Variants in GRID1 observed in about 807,000 individuals in gnomAD.
GRID1 encodes glutamate ionotropic receptor delta type subunit 1.
A neutral mutation model predicts 98.0 loss-of-function variants in GRID1; 28 were observed. The observed-to-expected ratio is 0.29, with a 90% CI of 0.21 to 0.39. The LOEUF (loss-of-function observed/expected upper bound fraction) is 0.39. GRID1 is among the 10% of genes least tolerant of loss of function. The pLI is 1.00. For missense variants in GRID1, 1,111 were observed against 1,340.5 expected, an observed-to-expected ratio of 0.83 and a Z score of 2.67; for synonymous variants, 553 against 538.5, an observed-to-expected ratio of 1.03 and a Z score of -0.37.
chr10:86,047,487 T>C (rs1843440074), intron 4 of GRID1, among the ~76,000 whole-genome samples: 1 of 152,236 alleles, frequency 6.6e-6, no homozygotes, highest in African/African-American at 2.4e-5. Flanking sequence ...TAGGGTGGTG[T>C]GTACAATTTC....
At chr10:85,931,775 T>C (rs1434609078) in intron 4 of GRID1, among the ~76,000 whole-genome samples, 1 of 152,226 alleles carries the variant, frequency 6.6e-6, no homozygotes, top group African/African-American at 2.4e-5. Flanking sequence ...TGATCCTTAA[T>C]TGTCCTTTCA....
At chr10:85,605,050 C>G (rs1842641387) in intron 15 of GRID1, among the ~76,000 whole-genome samples, 3 of 152,240 alleles carry the variant, frequency 2.0e-5, no homozygotes, top group African/African-American at 7.2e-5. Flanking sequence ...GGTGCTTCAT[C>G]TGCTGCAGCA....
At chr10:85,665,145 T>C (rs549205408) in intron 12 of GRID1, among the ~76,000 whole-genome samples, 1 of 152,298 alleles carries the variant, frequency 6.6e-6, no homozygotes, top group South Asian at 2.1e-4. Context: ...GTGACTGATA[T>C]TTAAGTAGAC....
chr10:86,334,565 T>G (rs1208874641), intron 2 of GRID1, among the ~76,000 whole-genome samples: 2 of 152,216 alleles, frequency 1.3e-5, no homozygotes, highest in African/African-American at 2.4e-5. Context: ...AAGAAAGGCA[T>G]TTAGGGCTAT....
intron 13 of GRID1, among the ~76,000 whole-genome samples, chr10:85,626,440 C>G (rs930515220): frequency 5.3e-5 from 8 of 152,204 alleles, no homozygotes; most frequent in Non-Finnish European, 1.0e-4. Context: ...ACAGACCACA[C>G]ACAAATGGCA....
At chr10:85,802,267 TGAA>T (rs950805679) in intron 8 of GRID1, among the ~76,000 whole-genome samples, 4 of 152,136 alleles carry the variant, frequency 2.6e-5, no homozygotes, top group African/African-American at 7.2e-5. Context: ...AAGACATTTC[TGAA>T]GAAGAACTGG....
chr10:85,826,893 G>A (rs999077281), intron 8 of GRID1, among the ~76,000 whole-genome samples: 6 of 152,038 alleles, frequency 3.9e-5, no homozygotes, highest in South Asian at 4.1e-4. Flanking sequence ...AAATCTTCCC[G>A]AAATAAAGCT....
intron 13 of GRID1, among the ~76,000 whole-genome samples, chr10:85,633,819 G>A (rs1189820470): frequency 1.3e-5 from 2 of 152,166 alleles, no homozygotes; most frequent in Non-Finnish European, 1.5e-5. Flanking sequence ...AGCTGAACAA[G>A]CTGTGGGCTC....
chr10:86,348,392 C>T (rs761162477), intron 2 of GRID1, among the ~76,000 whole-genome samples: 13 of 152,208 alleles, frequency 8.5e-5, no homozygotes, highest in Non-Finnish European at 1.5e-4. Flanking sequence ...TCCTGAAGAG[C>T]GTACAGAACT....
At chr10:85,855,908 A>T in intron 7 of GRID1, 121 bp downstream of exon 7, 1 of 781,164 alleles carries the variant, frequency 1.3e-6, no homozygotes, top group South Asian at 1.7e-5. Context: ...AGGAATGGGG[A>T]GGGGCCTACT....
At chr10:85,875,176 C>T (rs1843316922) in intron 5 of GRID1, among the ~76,000 whole-genome samples, 1 of 152,130 alleles carries the variant, frequency 6.6e-6, no homozygotes, top group Non-Finnish European at 1.5e-5. Context: ...TCGTGCCTGG[C>T]CAGGGGGTTT....
intron 12 of GRID1, among the ~76,000 whole-genome samples, chr10:85,721,415 T>G (rs1380728106): frequency 6.6e-6 from 1 of 152,220 alleles, no homozygotes; most frequent in Non-Finnish European, 1.5e-5. Context: ...GCAGCTTTTT[T>G]CATAATTGCC....
At chr10:85,990,446 T>C (rs1488129073) in intron 4 of GRID1, among the ~76,000 whole-genome samples, 1 of 152,092 alleles carries the variant, frequency 6.6e-6, no homozygotes, top group African/African-American at 2.4e-5. Flanking sequence ...AAGGAGACAA[T>C]ATGCAGTGAA....
chr10:85,777,852 G>A (rs980466603), intron 8 of GRID1, among the ~76,000 whole-genome samples: 10 of 152,150 alleles, frequency 6.6e-5, no homozygotes, highest in Admixed American at 4.6e-4. Context: ...GTGATAGACA[G>A]GCATTCAGCA....
chr10:85,950,261 T>C (rs750595819), intron 4 of GRID1, among the ~76,000 whole-genome samples: 2 of 152,144 alleles, frequency 1.3e-5, no homozygotes, highest in African/African-American at 2.4e-5. Flanking sequence ...TTTGCCAACT[T>C]AGAAGCAGTG....
chr10:86,300,582 G>A (rs1328593982), intron 2 of GRID1, among the ~76,000 whole-genome samples: 1 of 138,006 alleles, frequency 7.2e-6, no homozygotes, highest in East Asian at 2.2e-4. Context: ...TACCTGGAAA[G>A]AGCTTTTCCT....
At position 86,366,229 on chromosome 10, in the gene GRID1, G is replaced by T; in HGVS notation, c.79+85C>A. On this transcript the variant is annotated intron_variant, in intron 1 of 15. Coordinates refer to ENST00000327946, the MANE Select transcript of GRID1 (RefSeq NM_017551.3). This position sits in a 1 kb window ranked among gnomAD's most constrained non-coding sequence, Gnocchi z 4.1. The stretch of plus-strand genomic sequence containing the variant: ...ACCGCCCGCCGAGCCCCTCGGCCCA[G>T]GGAAACGCCAAGTTTGGACGCCGCG... The T allele has an allele frequency of 7.1e-6, 7 of 983,922 alleles. No homozygotes were observed. The highest frequency in any genetic ancestry group is 8.6e-6 in the Non-Finnish European group (6 of 698,756). 60.9% of individuals were successfully genotyped at this position (983,922 alleles called of 1,614,324 possible). A position where few individuals can be genotyped will look rare whatever the true frequency, so the allele number is the denominator to read the frequency against.
chr10:86,146,290 T>C (rs1232567425), intron 3 of GRID1, among the ~76,000 whole-genome samples: 2 of 152,222 alleles, frequency 1.3e-5, no homozygotes, highest in African/African-American at 4.8e-5. Context: ...CATAGACTTT[T>C]TATTTTTACT....
At chr10:85,964,330 C>A (rs1254815329) in intron 4 of GRID1, among the ~76,000 whole-genome samples, 1 of 152,112 alleles carries the variant, frequency 6.6e-6, no homozygotes, top group Non-Finnish European at 1.5e-5. Flanking sequence ...ACCACAGAGC[C>A]AAGACAATCC....
Sources: allele counts gnomAD v4.1 joint callset (sites outside exome capture counted in the v4.1 genomes callset), GRCh38; gene constraint gnomAD v4.1.1; non-coding constraint Gnocchi (gnomAD v3.1); transcripts MANE v1.5; gene names NCBI Gene and HGNC (gene_info 2026-07-23, HGNC 2026-07-21).